Variants in PIGK observed in about 807,000 individuals in gnomAD.
PIGK encodes phosphatidylinositol glycan anchor biosynthesis class K.
A neutral mutation model predicts 50.6 loss-of-function variants in PIGK; 42 were observed. That is an observed-to-expected ratio of 0.83 (90% CI 0.65 to 1.07). The LOEUF is 1.07. PIGK is among the 50% of genes least tolerant of loss of function. PIGK has a pLI of 0.00. For missense variants in PIGK, 448 were observed against 488.7 expected (o/e 0.92, Z 0.78); for synonymous variants, 151 against 156.0 (o/e 0.97, Z 0.24).
intron 10 of PIGK, among the ~76,000 whole-genome samples, chr1:77,118,057 C>T (rs1654018496): frequency 6.6e-6 from 1 of 152,070 alleles, no homozygotes; most frequent in Non-Finnish European, 1.5e-5. Context: ...CATTAATGAA[C>T]ATCAACATGT....
rs116677603 is a variant in PIGK, at chr1:77,155,074, T to C, written c.814-453A>G. The stretch of plus-strand genomic sequence containing the variant: ...AATAAAGTAGTACATGGAGCCCCAA[T>C]ATGTAAAAAACATTTAAGTGGAGTT... On this transcript the variant is annotated intron_variant, in intron 8 of 10. Transcript: ENST00000370812. Among the ~76,000 whole-genome samples the C allele has an allele frequency of 4.1e-3, 625 of 152,306 alleles. 5 individuals carry two copies. Among genetic ancestry groups the C allele is most frequent in the African/African-American group, 0.015 (608 of 41,582 alleles).
In PIGK at chr1:77,210,338, T is replaced by TA. The variant is rs1234553565; in HGVS notation, c.147+97dup. The TA allele has an allele frequency of 1.1e-5, 7 of 612,156 alleles. No individual in the cohort carries two copies. The East Asian group carries it at 1.9e-4, about 17-fold the overall frequency. 37.9% of individuals were successfully genotyped at this position (612,156 alleles called of 1,614,324 possible). A position where few individuals can be genotyped will look rare whatever the true frequency, so the allele number is the denominator to read the frequency against. ...AATAAAGAATTTCTGATATAAAATG[T>TA]AAAAAAATAAATTGTATTTTCAAAA... On this transcript the variant is annotated intron_variant, in intron 2 of 10. Coordinates refer to ENST00000370812, the MANE Select transcript of PIGK (RefSeq NM_005482.3).
chr1:77,211,282 T>C (rs148060176), intron 1 of PIGK, among the ~76,000 whole-genome samples: 28 of 151,968 alleles, frequency 1.8e-4, no homozygotes, highest in Non-Finnish European at 8.8e-5. Context: ...AATGAATCCA[T>C]GGTCCAAATG....
At chr1:77,104,722 C>T (rs1470608925) in intron 10 of PIGK, among the ~76,000 whole-genome samples, 1 of 152,206 alleles carries the variant, frequency 6.6e-6, no homozygotes, top group Non-Finnish European at 1.5e-5. Context: ...CTCAGCCCAC[C>T]ATGCTCAACT....
chr1:77,158,010 T>TTTTG (rs926706121), intron 8 of PIGK, among the ~76,000 whole-genome samples: 7 of 152,026 alleles, frequency 4.6e-5, no homozygotes, highest in South Asian at 2.1e-4. Flanking sequence ...TTTTTGTTAT[T>TTTTG]TTTGTTTGTT....
intron 10 of PIGK, among the ~76,000 whole-genome samples, chr1:77,096,881 C>CTTTTTTT (rs141858558): frequency 1.6e-5 from 2 of 124,304 alleles, no homozygotes; most frequent in Admixed American, 1.6e-4. Flanking sequence ...TCGGGTTTTT[C>CTTTTTTT]TTTTTTTTTT....
Position 77,213,778 on chromosome 1 carries a change from A to G in PIGK, c.94-3289T>C, listed in dbSNP as rs538166133. ...AGCTGGCTCTTTAAAAAAATAAACA[A>G]TATCAACAAACCTTTAGCCAAACTA... On this transcript the variant is annotated intron_variant, in intron 1 of 10. Coordinates refer to ENST00000370812, the MANE Select transcript of PIGK (RefSeq NM_005482.3). 5.3e-5 allele frequency among the ~76,000 whole-genome samples: 8 copies of G among 152,284 alleles called. No homozygotes were observed. In the East Asian group the frequency reaches 1.5e-3, roughly 29 times the overall value.
intron 9 of PIGK, among the ~76,000 whole-genome samples, chr1:77,122,708 C>T (rs1376142885): frequency 6.6e-6 from 1 of 152,144 alleles, no homozygotes; most frequent in African/African-American, 2.4e-5. Flanking sequence ...CAAACTCAAG[C>T]CTCATCTCCA....
chr1:77,197,570 T>A (rs1656064466), intron 3 of PIGK, among the ~76,000 whole-genome samples: 1 of 152,216 alleles, frequency 6.6e-6, no homozygotes, highest in Non-Finnish European at 1.5e-5. Flanking sequence ...ATGCAGCCAC[T>A]CATGTTCTCG....
chr1:77,160,379 C>T (rs2100554956), intron 8 of PIGK, among the ~76,000 whole-genome samples: 1 of 152,260 alleles, frequency 6.6e-6, no homozygotes, highest in Non-Finnish European at 1.5e-5. Flanking sequence ...TAGCAGTGGG[C>T]TTCAGAATCT....
At chr1:77,168,751 G>A (rs538282461) in intron 4 of PIGK, among the ~76,000 whole-genome samples, 4 of 151,700 alleles carry the variant, frequency 2.6e-5, no homozygotes, top group East Asian at 3.9e-4. Context: ...AATATTAAGC[G>A]TATTCACAAT....
Position 77,129,783 on chromosome 1 carries a change from A to T in PIGK, c.987-7424T>A, listed in dbSNP as rs1654326464. 3 of 517,588 alleles carry T rather than the reference A, an allele frequency of 5.8e-6. No homozygotes were observed. The African/African-American group carries it at 6.0e-5, about 10-fold the overall frequency. 32.1% of individuals were successfully genotyped at this position (517,588 alleles called of 1,614,324 possible). A position where few individuals can be genotyped will look rare whatever the true frequency, so the allele number is the denominator to read the frequency against. On this transcript the variant is annotated intron_variant, in intron 9 of 10. Transcript: ENST00000370812. ...ACAGAAAAAGTTGCCCAACCTATACATTAGAATAATTATTTAGAAGTGGAC... is the reference window on the plus strand; with the variant it reads ...ACAGAAAAAGTTGCCCAACCTATACTTTAGAATAATTATTTAGAAGTGGAC...
chr1:77,142,645 C>A (rs1340972998), intron 9 of PIGK, among the ~76,000 whole-genome samples: 1 of 152,054 alleles, frequency 6.6e-6, no homozygotes, highest in Non-Finnish European at 1.5e-5. Context: ...AAGCAAGGAC[C>A]TTCTTCATAT....
At chr1:77,174,697 G>C (rs559611748) in intron 3 of PIGK, among the ~76,000 whole-genome samples, 2 of 152,226 alleles carry the variant, frequency 1.3e-5, no homozygotes, top group Admixed American at 6.5e-5. Context: ...TGGGAGCTTG[G>C]CTGATTCCCC....
intron 3 of PIGK, chr1:77,195,365 T>A (rs1656009770): frequency 1.6e-6 from 2 of 1,240,926 alleles, no homozygotes; most frequent in Non-Finnish European, 2.3e-6. Flanking sequence ...CAGGCACTTC[T>A]CCAGGACTAC....
intron 8 of PIGK, among the ~76,000 whole-genome samples, chr1:77,157,808 G>T (rs920941298): frequency 1.3e-5 from 2 of 151,986 alleles, no homozygotes; most frequent in African/African-American, 2.4e-5. Context: ...GAATCATAGG[G>T]GCAAATCTTT....
At chr1:77,110,303 T>G (rs1000185222) in intron 10 of PIGK, among the ~76,000 whole-genome samples, 3 of 152,100 alleles carry the variant, frequency 2.0e-5, no homozygotes, top group Admixed American at 1.3e-4. Flanking sequence ...CATTGCCAAG[T>G]CAATCCTAAG....
intron 6 of PIGK, among the ~76,000 whole-genome samples, chr1:77,163,178 C>T (rs1398763197): frequency 2.0e-5 from 3 of 152,130 alleles, no homozygotes; most frequent in Non-Finnish European, 4.4e-5. Flanking sequence ...TTTATTTTAA[C>T]ATTACAGTAT....
chr1:77,207,795 G>C (rs1656321971), intron 2 of PIGK, among the ~76,000 whole-genome samples: 1 of 152,112 alleles, frequency 6.6e-6, no homozygotes, highest in Admixed American at 6.6e-5. Flanking sequence ...AACAGCATAA[G>C]TGTTCTTGCC....
Sources: allele counts gnomAD v4.1 joint callset (sites outside exome capture counted in the v4.1 genomes callset), GRCh38; gene constraint gnomAD v4.1.1; transcripts MANE v1.5; gene names NCBI Gene and HGNC (gene_info 2026-07-23, HGNC 2026-07-21).